The following NTM variants were observed in gnomAD, a reference collection of about 807,000 sequenced individuals.
NTM encodes the protein neurotrimin.
A neutral mutation model predicts 42.1 loss-of-function variants in NTM; 13 were observed. The ratio of observed to expected loss-of-function variants is 0.31; its 90% CI spans 0.20 to 0.49. NTM has a LOEUF of 0.49. Among genes scored for constraint, NTM ranks in the 20% least tolerant of loss-of-function variants. NTM has a pLI of 0.99. For missense variants in NTM, 373 were observed against 452.8 expected, an observed-to-expected ratio of 0.82 and a Z score of 1.60; for synonymous variants, 187 against 179.2, an observed-to-expected ratio of 1.04 and a Z score of -0.35.
At chr11:132,033,387 G>A (rs1278967405) in intron 2 of NTM, among the ~76,000 whole-genome samples, 1 of 152,204 alleles carries the variant, frequency 6.6e-6, no homozygotes, top group East Asian at 1.9e-4. Context: ...ATTATTGTGT[G>A]ATAATGATTT....
At chr11:131,616,970 C>T (rs1245199351) in intron 1 of NTM, among the ~76,000 whole-genome samples, 2 of 152,168 alleles carry the variant, frequency 1.3e-5, no homozygotes, top group African/African-American at 4.8e-5. Context: ...TCTTACACCC[C>T]AGATGCTGGG....
intron 1 of NTM, among the ~76,000 whole-genome samples, chr11:131,650,365 C>A (rs2066325907): frequency 1.3e-5 from 2 of 152,260 alleles, no homozygotes; most frequent in Non-Finnish European, 2.9e-5. Flanking sequence ...CATTGCTTCT[C>A]CTACATTACT....
intron 3 of NTM, among the ~76,000 whole-genome samples, chr11:132,157,843 G>A (rs2073523092): frequency 6.6e-6 from 1 of 152,142 alleles, no homozygotes; most frequent in African/African-American, 2.4e-5. Context: ...TGGCTCATGT[G>A]AAAGCTGCAG....
intron 2 of NTM, among the ~76,000 whole-genome samples, chr11:132,117,222 T>C (rs1418849187): frequency 6.6e-6 from 1 of 152,236 alleles, no homozygotes; most frequent in Non-Finnish European, 1.5e-5. Flanking sequence ...TGTTCATTCT[T>C]GCTACACGAA....
chr11:131,492,046 A>C (rs892787001), intron 1 of NTM, among the ~76,000 whole-genome samples: 17 of 152,212 alleles, frequency 1.1e-4, no homozygotes, highest in African/African-American at 3.6e-4. Flanking sequence ...GCATGGAGAC[A>C]TTCAAGAATT....
chr11:131,703,654 A>T (rs1273558164), intron 1 of NTM, among the ~76,000 whole-genome samples: 3 of 152,238 alleles, frequency 2.0e-5, no homozygotes, highest in Non-Finnish European at 4.4e-5. Flanking sequence ...AATCCAGATG[A>T]GAGGCCACAG....
intron 1 of NTM, among the ~76,000 whole-genome samples, chr11:131,627,621 CAGG>C (rs2063251237): frequency 6.6e-6 from 1 of 151,946 alleles, no homozygotes; most frequent in Non-Finnish European, 1.5e-5. Context: ...CGCTTGAGTC[CAGG>C]AGTTTGAGAC....
chr11:131,515,140 C>T (rs1023134416), intron 1 of NTM, among the ~76,000 whole-genome samples: 1 of 152,080 alleles, frequency 6.6e-6, no homozygotes, highest in African/African-American at 2.4e-5. Flanking sequence ...GTCTCAAACT[C>T]CTGGGTTCAA....
intron 1 of NTM, among the ~76,000 whole-genome samples, chr11:131,380,356 T>G (rs1942512961): frequency 6.6e-6 from 1 of 151,942 alleles, no homozygotes; most frequent in Non-Finnish European, 1.5e-5. Context: ...TACAGGCATG[T>G]GCCACCATGC....
intron 2 of NTM, among the ~76,000 whole-genome samples, chr11:132,045,421 C>T (rs2077847379): frequency 6.6e-6 from 1 of 152,164 alleles, no homozygotes; most frequent in Non-Finnish European, 1.5e-5. Context: ...AAATTAATAA[C>T]ATTTTTCCCA....
At chr11:131,375,496 A>T (rs10791142) in intron 1 of NTM, among the ~76,000 whole-genome samples, 49,840 of 152,022 alleles carry the variant, frequency 0.33, 8,986 homozygotes, top group East Asian at 0.61. Context: ...TAGAAGCATC[A>T]CCTCCCCATT....
At chr11:131,865,358 G>T (rs1003736277) in intron 1 of NTM, among the ~76,000 whole-genome samples, 3 of 152,166 alleles carry the variant, frequency 2.0e-5, no homozygotes, top group African/African-American at 7.2e-5. Context: ...AAATCAATGT[G>T]TGAAGTTGGG....
chr11:131,630,834 A>C (rs2063581745), intron 1 of NTM, among the ~76,000 whole-genome samples: 1 of 152,176 alleles, frequency 6.6e-6, no homozygotes, highest in African/African-American at 2.4e-5. Flanking sequence ...TACTACATGA[A>C]ATTTTAACTA....
intron 1 of NTM, among the ~76,000 whole-genome samples, chr11:131,590,666 CTG>C (rs745959245): frequency 4.3e-4 from 66 of 152,322 alleles, no homozygotes; most frequent in Non-Finnish European, 8.4e-4. Flanking sequence ...CGGCCAGACA[CTG>C]TGTAAGGGCT....
intron 1 of NTM, among the ~76,000 whole-genome samples, chr11:131,900,093 A>G (rs1418817907): frequency 6.6e-6 from 1 of 152,224 alleles, no homozygotes; most frequent in Admixed American, 6.5e-5. Context: ...TGCAGAGGGC[A>G]TGTGCCAAGT....
chr11:131,687,224 A>G (rs1438011471), intron 1 of NTM, among the ~76,000 whole-genome samples: 3 of 152,236 alleles, frequency 2.0e-5, no homozygotes, highest in Admixed American at 6.5e-5. Context: ...TTGTACCTGC[A>G]TGAAACGTGA....
At chr11:131,401,188 G>T (rs1446371084) in intron 1 of NTM, among the ~76,000 whole-genome samples, 2 of 151,818 alleles carry the variant, frequency 1.3e-5, no homozygotes, top group Non-Finnish European at 2.9e-5. Context: ...ACACCTAGAG[G>T]CCTTAAAAAG....
At chr11:131,404,834 T>C (rs1489919727) in intron 1 of NTM, among the ~76,000 whole-genome samples, 1 of 152,158 alleles carries the variant, frequency 6.6e-6, no homozygotes, top group East Asian at 1.9e-4. Flanking sequence ...TTAATTGCCA[T>C]TTAAAATTCC....
intron 2 of NTM, among the ~76,000 whole-genome samples, chr11:131,951,936 G>T (rs114093982): frequency 3.0e-3 from 460 of 151,916 alleles, no homozygotes; most frequent in African/African-American, 0.011. Flanking sequence ...GCTTTGATTG[G>T]TCAAAGCTGC....
Sources: gnomAD v4.1 joint callset for allele counts (sites outside exome capture counted in the v4.1 genomes callset) on GRCh38, gnomAD v4.1.1 for gene constraint, MANE v1.5 for transcripts, NCBI Gene and HGNC (gene_info 2026-07-23, HGNC 2026-07-21) for gene names.